ALDH1A2: variants seen among roughly 807,000 people sequenced by gnomAD.
ALDH1A2 encodes the protein aldehyde dehydrogenase 1 family member A2.
A neutral mutation model predicts 60.3 loss-of-function variants in ALDH1A2; 27 were observed. The ratio of observed to expected loss-of-function variants is 0.45; its 90% confidence interval spans 0.33 to 0.62. The LOEUF (loss-of-function observed/expected upper bound fraction) is 0.62. ALDH1A2 is among the 20% of genes least tolerant of loss of function. The pLI, the probability that ALDH1A2 is intolerant of heterozygous loss-of-function variation, is 0.02. For synonymous variants in ALDH1A2, 289 were observed against 232.4 expected, an observed-to-expected ratio of 1.24 and a Z score of -2.21; for missense variants, 581 against 643.8, an observed-to-expected ratio of 0.90 and a Z score of 1.06.
intron 8 of ALDH1A2, chr15:57,964,372 G>A (rs886860424): frequency 2.0e-5 from 6 of 306,300 alleles, no homozygotes; most frequent in Non-Finnish European, 3.7e-5. Context: ...GTACAGGTAT[G>A]AGTCTGCCAG....
chr15:57,980,402 C>A, intron 7 of ALDH1A2: 1 of 370,880 alleles, frequency 2.7e-6, no homozygotes, highest in Non-Finnish European at 5.4e-6. Flanking sequence ...CAGCTGGTGC[C>A]ACTTCTGCAT....
chr15:57,986,083 C>G (rs1192307662), intron 7 of ALDH1A2, among the ~76,000 whole-genome samples: 1 of 152,112 alleles, frequency 6.6e-6, no homozygotes, highest in African/African-American at 2.4e-5. Flanking sequence ...TCAAAAGGTG[C>G]CAGAGAGACT....
At chr15:58,006,563 C>T (rs1175268334) in intron 4 of ALDH1A2, among the ~76,000 whole-genome samples, 1 of 151,858 alleles carries the variant, frequency 6.6e-6, no homozygotes, top group Non-Finnish European at 1.5e-5. Flanking sequence ...AATGGTAGTG[C>T]CACTTTTAGT....
intron 3 of ALDH1A2, 93 bp from the exon 4 acceptor site, chr15:58,010,871 T>C: frequency 2.0e-6 from 3 of 1,476,650 alleles, no homozygotes; most frequent in South Asian, 1.2e-5. Flanking sequence ...AGAGAGAGAA[T>C]ACAAATGCAT....
intron 1 of ALDH1A2, among the ~76,000 whole-genome samples, chr15:58,030,406 A>G (rs534200418): frequency 4.3e-4 from 66 of 152,336 alleles, no homozygotes; most frequent in African/African-American, 1.6e-3. Context: ...AATAAGAGCT[A>G]TTTATGACAA....
intron 4 of ALDH1A2, among the ~76,000 whole-genome samples, chr15:58,008,747 G>T (rs1481063348): frequency 2.0e-5 from 3 of 152,096 alleles, no homozygotes; most frequent in Admixed American, 6.6e-5. Context: ...CTTTGATCTT[G>T]TAAATTTACC....
At chr15:58,019,264 A>G (rs549169926) in intron 1 of ALDH1A2, among the ~76,000 whole-genome samples, 10 of 152,352 alleles carry the variant, frequency 6.6e-5, no homozygotes, top group African/African-American at 2.2e-4. Context: ...CATCTTCACA[A>G]GAGTTTCTTT....
intron 1 of ALDH1A2, among the ~76,000 whole-genome samples, chr15:58,025,047 T>C (rs1896040448): frequency 6.6e-6 from 1 of 152,046 alleles, no homozygotes; most frequent in South Asian, 2.1e-4. Flanking sequence ...TAAGAGGAAA[T>C]TTTATAGCAA....
chr15:58,032,149 T>C (rs1351815287), intron 1 of ALDH1A2, among the ~76,000 whole-genome samples: 1 of 151,968 alleles, frequency 6.6e-6, no homozygotes, highest in African/African-American at 2.4e-5. Flanking sequence ...ATGTGGCACA[T>C]ATACACCATG....
At chr15:58,019,939 C>G (rs1309072558) in intron 1 of ALDH1A2, among the ~76,000 whole-genome samples, 1 of 151,982 alleles carries the variant, frequency 6.6e-6, no homozygotes, top group Admixed American at 6.6e-5. Context: ...TAGGTTTAAG[C>G]CCCCCATGCA....
At position 57,958,083 on chromosome 15, in the gene ALDH1A2, C is replaced by T. The variant is rs113777435; in HGVS notation, c.1484+2687G>A. On this transcript the variant is annotated intron_variant, in intron 12 of 12. Transcript: ENST00000249750. ...AGTCACTCTGGAAGCTTGTTAAAAA[C>T]GCAGTTCCTGGGTCCTATCGCAGAT... Among the ~76,000 whole-genome samples the T allele has an allele frequency of 3.2e-3, 493 of 152,284 alleles. 2 individuals carry two copies. The highest frequency in any genetic ancestry group is 0.011 in the African/African-American group (469 of 41,566).
At chr15:58,012,947 T>G (rs2140517279) in intron 3 of ALDH1A2, among the ~76,000 whole-genome samples, 1 of 152,314 alleles carries the variant, frequency 6.6e-6, no homozygotes, top group East Asian at 1.9e-4. Flanking sequence ...AAATGTATAG[T>G]GCATACATTC....
chr15:58,013,831 G>A, intron 3 of ALDH1A2, 27 bp downstream of exon 3: 2 of 1,613,942 alleles, frequency 1.2e-6, no homozygotes, highest in Non-Finnish European at 1.7e-6. Flanking sequence ...GTGGGTTAAA[G>A]ACTTAATGTT....
chr15:58,004,227 T>C (rs1381590265), intron 4 of ALDH1A2, among the ~76,000 whole-genome samples: 2 of 151,892 alleles, frequency 1.3e-5, no homozygotes, highest in Non-Finnish European at 2.9e-5. Flanking sequence ...TATCCATCTG[T>C]AGTCAAAGTG....
intron 10 of ALDH1A2, among the ~76,000 whole-genome samples, chr15:57,961,697 TC>T (rs754600151): frequency 2.6e-5 from 4 of 152,192 alleles, no homozygotes; most frequent in Admixed American, 1.3e-4. Flanking sequence ...CTGGTTAACA[TC>T]CCAGTGACCC....
chr15:57,998,087 A>G (rs1365967739), intron 4 of ALDH1A2, among the ~76,000 whole-genome samples: 5 of 152,054 alleles, frequency 3.3e-5, no homozygotes, highest in Non-Finnish European at 7.4e-5. Flanking sequence ...CTCACAGCCA[A>G]TATCATACTG....
intron 1 of ALDH1A2, among the ~76,000 whole-genome samples, chr15:58,027,728 T>C (rs146208984): frequency 0.011 from 1,683 of 152,142 alleles, 12 homozygotes; most frequent in African/African-American, 0.022. Context: ...CTGAAAACCA[T>C]GGCACCAGAA....
intron 1 of ALDH1A2, among the ~76,000 whole-genome samples, chr15:58,064,898 T>C (rs1420953685): frequency 6.6e-6 from 1 of 151,872 alleles, no homozygotes; most frequent in Non-Finnish European, 1.5e-5. Flanking sequence ...AAACCGAACA[T>C]GCTAACAAAT....
chr15:57,961,919 TA>T, intron 10 of ALDH1A2, 92 bp downstream of exon 10: 1 of 1,504,584 alleles, frequency 6.6e-7, no homozygotes. Context: ...ATGTAAAATA[TA>T]AAGAGCTAAA....
Sources: allele counts gnomAD v4.1 joint callset (sites outside exome capture counted in the v4.1 genomes callset), GRCh38; gene constraint gnomAD v4.1.1; transcripts MANE v1.5; gene names NCBI Gene and HGNC (gene_info 2026-07-23, HGNC 2026-07-21).